LONRF2: variants seen among roughly 807,000 people sequenced by gnomAD.
The protein encoded by LONRF2 is LON peptidase N-terminal domain and ring finger 2, also known as LON peptidase N-terminal domain and RING finger protein 2.
LONRF2 carries 35 observed loss-of-function variants against 66.6 expected under a neutral mutation model. The observed-to-expected ratio is 0.53, with a 90% confidence interval of 0.40 to 0.70. The LOEUF (loss-of-function observed/expected upper bound fraction) is 0.70. Among genes scored for constraint, LONRF2 ranks in the 30% least tolerant of loss-of-function variants. The probability of loss-of-function intolerance (pLI) is 0.00; values close to 1 mark genes in which losing one functional copy is unlikely to be tolerated. For synonymous variants in LONRF2, 417 were observed against 418.1 expected, an observed-to-expected ratio of 1.00 and a Z score of 0.03; for missense variants, 902 against 1,002.1, an observed-to-expected ratio of 0.90 and a Z score of 1.35.
chr2:100,288,706 A>G (rs527609545), intron 10 of LONRF2, among the ~76,000 whole-genome samples: 1 of 152,324 alleles, frequency 6.6e-6, no homozygotes, highest in East Asian at 1.9e-4. Flanking sequence ...CTGGAAGTAT[A>G]CAGATGAAGC....
Position 100,302,489 on chromosome 2 carries a change from C to T in LONRF2, c.921+432G>A, listed in dbSNP as rs754040733. Reference sequence around the variant, plus strand: ...TAAGCTTTTTAACAGGACAGATTTCCACATTCAGTGTGACTGGATGATGGG... The same window carrying T: ...TAAGCTTTTTAACAGGACAGATTTCTACATTCAGTGTGACTGGATGATGGG... On this transcript the variant is annotated intron_variant, in intron 3 of 11. Transcript: ENST00000393437. Among the ~76,000 whole-genome samples the T allele has an allele frequency of 2.3e-4, 35 of 152,158 alleles. 1 individual carries two copies. The highest frequency in any genetic ancestry group is 4.3e-4 in the Non-Finnish European group (29 of 68,014).
chr2:100,298,840 G>A lies in LONRF2; in HGVS notation c.1472C>T (p.Ser491Leu), dbSNP rs545616029. The A allele has an allele frequency of 5.0e-6, 8 of 1,613,038 alleles. No individual in the cohort carries two copies. The highest frequency in any genetic ancestry group is 3.3e-5 in the Admixed American group (2 of 60,020). The change falls in exon 7 of 12, where the codon TCG becomes TTG. Residue 491 changes from serine (S) to leucine (L), a missense_variant. Physicochemically the swap from Ser to Leu is moderately radical, Grantham distance 145 (BLOSUM62 -2). Coordinates refer to ENST00000393437, the MANE Select transcript of LONRF2 (RefSeq NM_198461.4). ...CATTTCCTAAAGTGTACTTACTTCCGAAAGTTTGTCTTTGCACAAAGGACA... is the reference window on the plus strand; with the variant it reads ...CATTTCCTAAAGTGTACTTACTTCCAAAAGTTTGTCTTTGCACAAAGGACA... ...PHCPLCKDKL[S>L]ELLASRNFNI...
Position 100,274,468 on chromosome 2 carries a change from T to A in LONRF2, c.*9830A>T, listed in dbSNP as rs1161393253. ...TGAGCTTATATTAATCATGCTTTTT[T>A]ATAATGTATAATGTTTTCACATCTT... On this transcript the variant is annotated 3_prime_UTR_variant, in exon 12 of 12. Transcript: ENST00000393437. The A allele has an allele frequency of 6.6e-6, 1 of 152,226 alleles. No homozygotes were observed. The highest frequency in any genetic ancestry group is 6.5e-5 in the Admixed American group (1 of 15,288). 9.4% of individuals were successfully genotyped at this position (152,226 alleles called of 1,614,324 possible). A position where few individuals can be genotyped will look rare whatever the true frequency, so the allele number is the denominator to read the frequency against.
chr2:100,283,263 T>G lies in LONRF2; in HGVS notation c.*1035A>C, dbSNP rs371052164. The G allele has an allele frequency of 5.9e-5, 9 of 152,234 alleles. No homozygotes were observed. The highest frequency in any genetic ancestry group is 2.2e-4 in the African/African-American group (9 of 41,474). 9.4% of individuals were successfully genotyped at this position (152,234 alleles called of 1,614,324 possible). A position where few individuals can be genotyped will look rare whatever the true frequency, so the allele number is the denominator to read the frequency against. On this transcript the variant is annotated 3_prime_UTR_variant, in exon 12 of 12. Coordinates refer to ENST00000393437, the MANE Select transcript of LONRF2 (RefSeq NM_198461.4). ...AGGTTGGTGTTGGAGAAAAACTTACTGAATATTTACATCCCATACCGGCCA... is the reference window on the plus strand; with the variant it reads ...AGGTTGGTGTTGGAGAAAAACTTACGGAATATTTACATCCCATACCGGCCA...
intron 8 of LONRF2, among the ~76,000 whole-genome samples, chr2:100,294,743 G>A (rs963111485): frequency 5.3e-5 from 8 of 152,066 alleles, no homozygotes; most frequent in South Asian, 2.1e-4. Flanking sequence ...TGATAAGATC[G>A]CTACTAAAAT....
rs1034482959 is a variant in LONRF2 at position 100,321,380 on chromosome 2, G to A, written c.679+35C>T. ...CACCCCGCTGCTGGGCCGGACAGGT[G>A]TAGGGGAGGCGGACCCGCCCCGCAG... On this transcript the variant is annotated intron_variant, in intron 1 of 11. Transcript: ENST00000393437. 2.1e-5 allele frequency: 29 copies of A among 1,398,644 alleles called. No individual in the cohort carries two copies. The Admixed American group carries it at 8.2e-4, about 40-fold the overall frequency. 86.6% of individuals were successfully genotyped at this position (1,398,644 alleles called of 1,614,324 possible).
In LONRF2 at chr2:100,282,134, T is replaced by G. The variant is rs1215169314; in HGVS notation, c.*2164A>C. 1 of 152,204 alleles carries G rather than the reference T, an allele frequency of 6.6e-6. No homozygotes were observed. The highest frequency in any genetic ancestry group is 2.4e-5 in the African/African-American group (1 of 41,442). 9.4% of individuals were successfully genotyped at this position (152,204 alleles called of 1,614,324 possible). On this transcript the variant is annotated 3_prime_UTR_variant, in exon 12 of 12. Coordinates refer to ENST00000393437, the MANE Select transcript of LONRF2 (RefSeq NM_198461.4). Reference sequence around the variant, plus strand: ...AAAACGTATGTTGCTCTCGTCTGCGTCATCATTGTTGTTCAGACTTTTACA... The same window carrying G: ...AAAACGTATGTTGCTCTCGTCTGCGGCATCATTGTTGTTCAGACTTTTACA...
Position 100,282,954 on chromosome 2 carries a change from T to C in LONRF2, c.*1344A>G, listed in dbSNP as rs2105711143. ...TCAACATTGTATATTATGAGATATA[T>C]ATATTTTAAAACTAAAAAATCACCT... On this transcript the variant is annotated 3_prime_UTR_variant, in exon 12 of 12. Transcript: ENST00000393437. 6.6e-6 allele frequency: 1 copy of C among 152,328 alleles called. No homozygotes were observed. Among genetic ancestry groups the C allele is most frequent in the East Asian group, 1.9e-4 (1 of 5,190 alleles). The allele number at this position is 152,328 out of a possible 1,614,324, so 9.4% of individuals were successfully genotyped here. A position where few individuals can be genotyped will look rare whatever the true frequency, so the allele number is the denominator to read the frequency against.
chr2:100,291,228 T>C (rs978885995), intron 9 of LONRF2, among the ~76,000 whole-genome samples: 3 of 151,724 alleles, frequency 2.0e-5, no homozygotes, highest in Non-Finnish European at 2.9e-5. Context: ...GGCACCAGAG[T>C]GCAGGTCTGG....
intron 8 of LONRF2, among the ~76,000 whole-genome samples, chr2:100,294,974 C>T (rs1675034853): frequency 6.6e-6 from 1 of 150,674 alleles, no homozygotes; most frequent in South Asian, 2.1e-4. Flanking sequence ...TATTATTTGC[C>T]TTTTATTTAT....
chr2:100,285,912 C>T (rs186130762), intron 11 of LONRF2, among the ~76,000 whole-genome samples: 50 of 152,234 alleles, frequency 3.3e-4, no homozygotes, highest in Non-Finnish European at 6.3e-4. Context: ...CTAATATACC[C>T]GCCAAGTAGA....
At chr2:100,292,637 A>T (rs1480969477) in intron 9 of LONRF2, among the ~76,000 whole-genome samples, 1 of 152,064 alleles carries the variant, frequency 6.6e-6, no homozygotes, top group African/African-American at 2.4e-5. Context: ...GAACTCTTAT[A>T]GCTTATTTTT....
intron 2 of LONRF2, among the ~76,000 whole-genome samples, chr2:100,307,501 C>T (rs1323084581): frequency 6.6e-6 from 1 of 152,188 alleles, no homozygotes; most frequent in Non-Finnish European, 1.5e-5. Context: ...TGCAGAGCTG[C>T]TGTCAGTCAG....
At chr2:100,307,463 C>T (rs903918860) in intron 2 of LONRF2, among the ~76,000 whole-genome samples, 17 of 152,146 alleles carry the variant, frequency 1.1e-4, no homozygotes, top group African/African-American at 3.6e-4. Context: ...AAGAATACTA[C>T]GGAGAGGAAT....
chr2:100,286,139 G>C (rs1240475601), intron 11 of LONRF2, among the ~76,000 whole-genome samples: 1 of 152,076 alleles, frequency 6.6e-6, no homozygotes, highest in Admixed American at 6.5e-5. Flanking sequence ...ATTCAGGCAG[G>C]GGGTAAAAGA....
chr2:100,309,322 T>C (rs1208354492), intron 1 of LONRF2, 97 bp from the exon 2 acceptor site: 1 of 649,872 alleles, frequency 1.5e-6, no homozygotes, highest in East Asian at 2.9e-5. Context: ...TATATACATA[T>C]GTATAAAGTA....
At position 100,282,377 on chromosome 2, in the gene LONRF2, G is replaced by A. The variant is rs568431814; in HGVS notation, c.*1921C>T. The A allele has an allele frequency of 6.6e-6, 1 of 152,318 alleles. No homozygotes were observed. The highest frequency in any genetic ancestry group is 2.4e-5 in the African/African-American group (1 of 41,582). 9.4% of individuals were successfully genotyped at this position (152,318 alleles called of 1,614,324 possible). On this transcript the variant is annotated 3_prime_UTR_variant, in exon 12 of 12. Coordinates refer to ENST00000393437, the MANE Select transcript of LONRF2 (RefSeq NM_198461.4). ...GTGGTTATTTAGATACTTCCAAATGGAAATGGCATTGATAACTATTCAGCT... is the reference window on the plus strand; with the variant it reads ...GTGGTTATTTAGATACTTCCAAATGAAAATGGCATTGATAACTATTCAGCT...
intron 11 of LONRF2, 109 bp from the exon 12 acceptor site, chr2:100,284,601 C>T (rs1188642899): frequency 2.3e-6 from 2 of 888,524 alleles, no homozygotes; most frequent in Non-Finnish European, 3.2e-6. Flanking sequence ...TTAAATGCCA[C>T]CTTGTATTTT....
At chr2:100,286,853 G>A in intron 11 of LONRF2, 61 bp downstream of exon 11, 3 of 1,545,780 alleles carry the variant, frequency 1.9e-6, no homozygotes, top group Non-Finnish European at 2.6e-6. Flanking sequence ...CCACCAGAAT[G>A]ATGGCTCAGC....
Sources: gnomAD v4.1 joint callset for allele counts (sites outside exome capture counted in the v4.1 genomes callset) on GRCh38, gnomAD v4.1.1 for gene constraint, MANE v1.5 for transcripts, NCBI Gene and HGNC (gene_info 2026-07-23, HGNC 2026-07-21) for gene names.